The following ATP2B2 variants were observed in gnomAD, a reference collection of about 807,000 sequenced individuals.
ATP2B2 encodes the protein plasma membrane calcium-transporting ATPase 2.
Under a neutral mutation model 120.0 loss-of-function variants are expected in ATP2B2, and 15 were observed. The observed-to-expected ratio is 0.12, with a 90% confidence interval of 0.08 to 0.19. The LOEUF (loss-of-function observed/expected upper bound fraction) is 0.19. Among genes scored for constraint, ATP2B2 ranks in the 10% least tolerant of loss-of-function variants. The pLI, the probability that ATP2B2 is intolerant of heterozygous loss-of-function variation, is 1.00. For missense variants in ATP2B2, 1,045 were observed against 1,719.8 expected (o/e 0.61, Z 6.94); for synonymous variants, 694 against 700.3 (o/e 0.99, Z 0.14).
chr3:10,444,271 C>T (rs2063763114), intron 2 of ATP2B2, among the ~76,000 whole-genome samples: 1 of 152,216 alleles, frequency 6.6e-6, no homozygotes, highest in Non-Finnish European at 1.5e-5. Flanking sequence ...CCCTGGCTTC[C>T]CTGTTGACCT....
At position 10,488,499 on chromosome 3, in the gene ATP2B2, CTTCCTTCG is replaced by C. The variant is rs1329683446; in HGVS notation, c.-320+16958_-320+16965del. Reference sequence around the variant, plus strand: ...CCTTCCTTCCTTCCTTCCTTCCTTCCTTCCTTCGTTCCTTCCTTCCTTCCTTCCTTCTT... The same window carrying C: ...CCTTCCTTCCTTCCTTCCTTCCTTCCTTCCTTCCTTCCTTCCTTCCTTCTT... On this transcript the variant is annotated intron_variant, in intron 1 of 22. Transcript: ENST00000360273. Among the ~76,000 whole-genome samples, 31 of 75,758 alleles carry C rather than the reference CTTCCTTCG, an allele frequency of 4.1e-4. 1 individual carries two copies. Among genetic ancestry groups the C allele is most frequent in the Admixed American group, 7.1e-4 (6 of 8,488 alleles). 49.7% of individuals were successfully genotyped at this position (75,758 alleles called of 152,430 possible).
chr3:10,364,784 G>A (rs544605149), intron 12 of ATP2B2, among the ~76,000 whole-genome samples: 13 of 152,058 alleles, frequency 8.5e-5, no homozygotes, highest in South Asian at 8.4e-4. Context: ...CATGGTAAAC[G>A]GCAGTAACTG....
chr3:10,578,389 T>C (rs1056636365), intron 2 of ATP2B2, among the ~76,000 whole-genome samples: 1 of 149,274 alleles, frequency 6.7e-6, no homozygotes, highest in South Asian at 2.2e-4. Context: ...CTAAAAAAAA[T>C]ACAAAAAATT....
chr3:10,513,726 T>A lies in ATP2B2; in HGVS notation c.-320+20313A>T, dbSNP rs553709463. Among the ~76,000 whole-genome samples, 4 of 152,158 alleles carry A rather than the reference T, an allele frequency of 2.6e-5. No individual in the cohort carries two copies. The East Asian group carries it at 7.7e-4, about 29-fold the overall frequency. Reference sequence around the variant, plus strand: ...CAGTAGACATTCACAGAGTCGCGAATGTGCAGGGGGCTGAGGGGGCACCCT... The same window carrying A: ...CAGTAGACATTCACAGAGTCGCGAAAGTGCAGGGGGCTGAGGGGGCACCCT... On this transcript the variant is annotated intron_variant, in intron 3 of 21. Coordinates refer to the ATP2B2 transcript ENST00000646379.
intron 2 of ATP2B2, among the ~76,000 whole-genome samples, chr3:10,573,151 AT>A (rs61701156): frequency 0.019 from 2,750 of 146,276 alleles, 45 homozygotes; most frequent in African/African-American, 0.046. Flanking sequence ...AGCCAAATAC[AT>A]TTTTTTTTTT....
chr3:10,573,986 C>A (rs992027617), intron 2 of ATP2B2, among the ~76,000 whole-genome samples: 2 of 152,174 alleles, frequency 1.3e-5, no homozygotes, highest in African/African-American at 2.4e-5. Flanking sequence ...TGTCTCCCCC[C>A]ATTATAAATC....
intron 2 of ATP2B2, among the ~76,000 whole-genome samples, chr3:10,545,438 A>G (rs528038242): frequency 6.6e-6 from 1 of 152,236 alleles, no homozygotes; most frequent in East Asian, 1.9e-4. Flanking sequence ...CTGCAGCGAG[A>G]GAATCGCTTG....
chr3:10,622,282 A>G (rs903382940), intron 1 of ATP2B2, among the ~76,000 whole-genome samples: 1 of 152,164 alleles, frequency 6.6e-6, no homozygotes, highest in Admixed American at 6.5e-5. Flanking sequence ...ATTGATGAGC[A>G]ATCTGTCCTC....
chr3:10,471,374 GTGTGTGT>G (rs2064990156), intron 1 of ATP2B2, among the ~76,000 whole-genome samples: 1 of 35,174 alleles, frequency 2.8e-5, no homozygotes, highest in South Asian at 1.3e-3. Flanking sequence ...CTGTGTGTGT[GTGTGTGT>G]GTGTGTGTGT....
rs976793299 is a variant in ATP2B2 at position 10,342,377 on chromosome 3, G to T, written c.2917+375C>A. Among the ~76,000 whole-genome samples the T allele has an allele frequency of 1.3e-5, 2 of 152,220 alleles. No individual in the cohort carries two copies. The highest frequency in any genetic ancestry group is 2.9e-5 in the Non-Finnish European group (2 of 68,040). Reference sequence around the variant, plus strand: ...CCTTGCTGAGGGTCCCTTCCACGGGGCCAGGATAAGGTGCTGGAATGGGTC... The same window carrying T: ...CCTTGCTGAGGGTCCCTTCCACGGGTCCAGGATAAGGTGCTGGAATGGGTC... On this transcript the variant is annotated intron_variant, in intron 19 of 22. Coordinates refer to ENST00000360273, the MANE Select transcript of ATP2B2 (RefSeq NM_001001331.4). The surrounding 1 kb of genome is among the most constrained non-coding windows in gnomAD (Gnocchi z 4.4).
chr3:10,499,030 AG>A (rs1226074874), intron 1 of ATP2B2, among the ~76,000 whole-genome samples: 1 of 152,210 alleles, frequency 6.6e-6, no homozygotes, highest in African/African-American at 2.4e-5. Context: ...TTTGCATATC[AG>A]GATGTCAAGC....
chr3:10,655,455 C>T lies in ATP2B2; in HGVS notation c.-459-35494G>A, dbSNP rs1575596415. Among the ~76,000 whole-genome samples the T allele has an allele frequency of 4.0e-5, 4 of 98,862 alleles. No individual in the cohort carries two copies. The East Asian group carries it at 1.9e-3, about 48-fold the overall frequency. The allele number at this position is 98,862 out of a possible 152,430, so 64.9% of individuals were successfully genotyped here. A position where few individuals can be genotyped will look rare whatever the true frequency, so the allele number is the denominator to read the frequency against. ...TATTTTGTAAATTCCCTGGGTGCTTCAGAAGAACCTAACCTGGTTGCAAGC... is the reference window on the plus strand; with the variant it reads ...TATTTTGTAAATTCCCTGGGTGCTTTAGAAGAACCTAACCTGGTTGCAAGC... On this transcript the variant is annotated intron_variant, in intron 1 of 21. Coordinates refer to the ATP2B2 transcript ENST00000646379.
At chr3:10,395,537 A>G (rs2124929912) in intron 5 of ATP2B2, among the ~76,000 whole-genome samples, 1 of 152,368 alleles carries the variant, frequency 6.6e-6, no homozygotes, top group African/African-American at 2.4e-5. Context: ...TCAGAGAGCA[A>G]AGACGGCAAA....
At chr3:10,606,686 G>A (rs2069076344) in intron 2 of ATP2B2, among the ~76,000 whole-genome samples, 1 of 152,084 alleles carries the variant, frequency 6.6e-6, no homozygotes, top group Non-Finnish European at 1.5e-5. Flanking sequence ...AGGTAAATGT[G>A]TCTACTTTTA....
At chr3:10,357,300 G>C (rs1011853696) in intron 14 of ATP2B2, among the ~76,000 whole-genome samples, 2 of 152,168 alleles carry the variant, frequency 1.3e-5, no homozygotes, top group Non-Finnish European at 2.9e-5. Context: ...ATGCAGATGA[G>C]GCTCAGAGAG....
At chr3:10,660,367 G>A (rs1231540419) in intron 1 of ATP2B2, among the ~76,000 whole-genome samples, 5 of 152,008 alleles carry the variant, frequency 3.3e-5, no homozygotes, top group African/African-American at 4.8e-5. Context: ...TAATAAAGAA[G>A]AAAAGAGAGA....
At chr3:10,707,792 C>T (rs1389834786) in intron 1 of ATP2B2, 1 of 152,224 alleles carries the variant, frequency 6.6e-6, no homozygotes, top group Non-Finnish European at 1.5e-5. Flanking sequence ...ACGCTCCCGC[C>T]CTGGCCCGGC....
chr3:10,336,837 C>T (rs141817110), intron 22 of ATP2B2, among the ~76,000 whole-genome samples: 6 of 152,320 alleles, frequency 3.9e-5, no homozygotes, highest in East Asian at 1.9e-4. Context: ...GTTAGCATTC[C>T]GCAAGAGGCA....
intron 17 of ATP2B2, 21 bp from the exon 18 acceptor site, chr3:10,345,596 G>T: frequency 1.9e-6 from 3 of 1,611,826 alleles, no homozygotes; most frequent in Non-Finnish European, 2.5e-6. Context: ...AGGGACAGGA[G>T]GCTGGGTGGG....
Sources: allele counts gnomAD v4.1 joint callset (sites outside exome capture counted in the v4.1 genomes callset), GRCh38; gene constraint gnomAD v4.1.1; non-coding constraint Gnocchi (gnomAD v3.1); transcripts MANE v1.5; gene names NCBI Gene and HGNC (gene_info 2026-07-23, HGNC 2026-07-21).